ANP32B: variants seen among roughly 807,000 people sequenced by gnomAD.
ANP32B encodes the protein acidic leucine-rich nuclear phosphoprotein 32 family member B.
Under a neutral mutation model 32.2 loss-of-function variants are expected in ANP32B, and 6 were observed. The observed-to-expected ratio is 0.19, with a 90% CI of 0.10 to 0.37. The LOEUF (loss-of-function observed/expected upper bound fraction) is 0.37, where lower values mean the gene tolerates loss of function less well. Among genes scored for constraint, ANP32B ranks in the 10% least tolerant of loss-of-function variants. The pLI, the probability that ANP32B is intolerant of heterozygous loss-of-function variation, is 1.00. For synonymous variants in ANP32B, 98 were observed against 105.8 expected, an observed-to-expected ratio of 0.93 and a Z score of 0.45; for missense variants, 204 against 289.2, an observed-to-expected ratio of 0.71 and a Z score of 2.14.
intron 1 of ANP32B, among the ~76,000 whole-genome samples, chr9:97,989,034 T>C (rs1827782868): frequency 6.6e-6 from 1 of 152,212 alleles, no homozygotes; most frequent in Non-Finnish European, 1.5e-5. Flanking sequence ...TCATAATAGC[T>C]AGGGGAGTGG....
At chr9:97,985,139 C>A (rs1827694789) in intron 1 of ANP32B, among the ~76,000 whole-genome samples, 1 of 151,306 alleles carries the variant, frequency 6.6e-6, no homozygotes, top group African/African-American at 2.4e-5. Flanking sequence ...CAGTGGCTTT[C>A]CCGCGGAGGG....
chr9:97,996,487 T>C (rs1465483867), intron 2 of ANP32B, among the ~76,000 whole-genome samples: 1 of 152,214 alleles, frequency 6.6e-6, no homozygotes, highest in African/African-American at 2.4e-5. Context: ...CATTAATCAC[T>C]TCCCTTATAG....
In ANP32B at chr9:97,983,370, C is replaced by G; in HGVS notation, c.-186C>G. ...TCCCTCCATGGTTTCTCTCCGCTCC[C>G]GTGAGTAACTTGGCTCCGGGGGCTC... On this transcript the variant is annotated 5_prime_UTR_variant, in exon 1 of 7. Coordinates refer to ENST00000339399, the MANE Select transcript of ANP32B (RefSeq NM_006401.3). 1 of 557,440 alleles carries G rather than the reference C, an allele frequency of 1.8e-6. No homozygotes were observed. Among genetic ancestry groups the G allele is most frequent in the Non-Finnish European group, 3.2e-6 (1 of 312,904 alleles). 34.5% of individuals were successfully genotyped at this position (557,440 alleles called of 1,614,324 possible).
Position 98,005,173 on chromosome 9 carries a change from G to A in ANP32B, c.517+20G>A, listed in dbSNP as rs749386642. 1.9e-6 allele frequency: 3 copies of A among 1,607,808 alleles called. No individual in the cohort carries two copies. The highest frequency in any genetic ancestry group is 2.5e-6 in the Non-Finnish European group (3 of 1,176,908). On this transcript the variant is annotated intron_variant, in intron 4 of 6. Coordinates refer to ENST00000339399, the MANE Select transcript of ANP32B (RefSeq NM_006401.3). ...ACGAAGGTGAGTAGGCTCAGCATCT[G>A]GTGAACCTGATGTCTGCCTTTCAAA... is the stretch of plus-strand genomic sequence containing the variant.
chr9:98,010,095 A>AGG lies in ANP32B; in HGVS notation c.518-1175_518-1174dup, dbSNP rs76851853. ...CAGCCACATGTGCAAGAGCCAGTAA[A>AGG]GGACATTCCTTGGAAGGTGGGGGGC... On this transcript the variant is annotated intron_variant, in intron 4 of 6. Transcript: ENST00000339399. 2.8e-3 allele frequency among the ~76,000 whole-genome samples: 420 copies of AGG among 152,288 alleles called. 6 individuals carry two copies. The East Asian group carries it at 0.05, about 18-fold the overall frequency.
At chr9:98,006,990 AAAAC>A (rs1052833522) in intron 4 of ANP32B, among the ~76,000 whole-genome samples, 13 of 152,252 alleles carry the variant, frequency 8.5e-5, no homozygotes, top group African/African-American at 1.7e-4. Flanking sequence ...TCCATCTCAA[AAAAC>A]AAACAAACAA....
intron 1 of ANP32B, among the ~76,000 whole-genome samples, chr9:97,984,288 G>A (rs1587868374): frequency 6.6e-6 from 1 of 151,102 alleles, no homozygotes; most frequent in Non-Finnish European, 1.5e-5. Flanking sequence ...CGCCCCTCCC[G>A]AGGCCAAGTT....
chr9:98,005,242 C>A, intron 4 of ANP32B, 89 bp downstream of exon 4: 1 of 1,352,372 alleles, frequency 7.4e-7, no homozygotes, highest in Non-Finnish European at 1.0e-6. Flanking sequence ...CGCAGTGGCA[C>A]ACAACCGTAA....
intron 2 of ANP32B, among the ~76,000 whole-genome samples, chr9:97,997,950 C>A (rs1827931344): frequency 6.6e-6 from 1 of 152,208 alleles, no homozygotes; most frequent in Non-Finnish European, 1.5e-5. Flanking sequence ...CAGGTTTATG[C>A]AAGATGTGGC....
chr9:98,006,907 G>C lies in ANP32B; in HGVS notation c.517+1754G>C, dbSNP rs183489532. 4.0e-3 allele frequency among the ~76,000 whole-genome samples: 608 copies of C among 152,172 alleles called. 3 individuals are homozygous for C. Among genetic ancestry groups the C allele is most frequent in the African/African-American group, 0.013 (558 of 41,524 alleles). On this transcript the variant is annotated intron_variant, in intron 4 of 6. Coordinates refer to ENST00000339399, the MANE Select transcript of ANP32B (RefSeq NM_006401.3). ...GGAGGCTGAGGCATGAGAATTGCTT[G>C]AACCTGGGAGGCGGAGGTTGCAGTG...
At chr9:98,008,340 A>G (rs561266394) in intron 4 of ANP32B, among the ~76,000 whole-genome samples, 1 of 152,312 alleles carries the variant, frequency 6.6e-6, no homozygotes, top group Admixed American at 6.5e-5. Flanking sequence ...ATGATCACCT[A>G]TCTCAGCTCT....
rs769036871 is a variant in ANP32B, at chr9:98,012,431, T to G, written c.647T>G (p.Phe216Cys). ...DDEVSEEEEE[F>C]GLDEEDEDED... ...TTTGCTATTCTTTAGGAAGAAGAATTTGGACTTGATGAAGAAGATGAAGAT... is the reference window on the plus strand; with the variant it reads ...TTTGCTATTCTTTAGGAAGAAGAATGTGGACTTGATGAAGAAGATGAAGAT... Residue 216 changes from phenylalanine (F) to cysteine (C), a missense_variant, in exon 6 of 7, where the codon TTT (phenylalanine) becomes TGT (cysteine). Coordinates refer to ENST00000339399, the MANE Select transcript of ANP32B (RefSeq NM_006401.3). 6.2e-7 allele frequency: 1 copy of G among 1,612,612 alleles called. No homozygotes were observed. Among genetic ancestry groups the G allele is most frequent in the Non-Finnish European group, 8.5e-7 (1 of 1,179,542 alleles).
chr9:97,983,873 CT>C (rs1456483667), intron 1 of ANP32B, among the ~76,000 whole-genome samples: 1 of 151,968 alleles, frequency 6.6e-6, no homozygotes, highest in African/African-American at 2.4e-5. Context: ...CCGCCGGGGT[CT>C]TTCCCCTGAG....
intron 2 of ANP32B, among the ~76,000 whole-genome samples, chr9:97,995,212 G>A (rs1385639686): frequency 1.3e-5 from 2 of 152,190 alleles, no homozygotes; most frequent in Non-Finnish European, 2.9e-5. Context: ...CAGAGTCCCA[G>A]AATGTCAGAA....
intron 2 of ANP32B, among the ~76,000 whole-genome samples, chr9:97,995,068 A>T (rs1827883119): frequency 1.3e-5 from 2 of 152,238 alleles, no homozygotes; most frequent in African/African-American, 4.8e-5. Flanking sequence ...AATAAGTAGT[A>T]GTTAGGAAGA....
intron 6 of ANP32B, among the ~76,000 whole-genome samples, chr9:98,014,498 C>G (rs1198718048): frequency 6.6e-6 from 1 of 152,016 alleles, no homozygotes; most frequent in African/African-American, 2.4e-5. Context: ...AAAAATTGGT[C>G]TATATGTAAG....
At chr9:97,987,221 G>C (rs1461701867) in intron 1 of ANP32B, among the ~76,000 whole-genome samples, 1 of 150,642 alleles carries the variant, frequency 6.6e-6, no homozygotes, top group Non-Finnish European at 1.5e-5. Flanking sequence ...CTTATGGCAG[G>C]GTATATTCTC....
intron 4 of ANP32B, among the ~76,000 whole-genome samples, chr9:98,007,890 G>C (rs1474648468): frequency 6.6e-6 from 1 of 152,192 alleles, no homozygotes; most frequent in Non-Finnish European, 1.5e-5. Context: ...GAAGCGAGAT[G>C]GCGTTCTAAA....
chr9:97,990,665 T>C (rs1328933546), intron 1 of ANP32B, among the ~76,000 whole-genome samples: 2 of 152,190 alleles, frequency 1.3e-5, no homozygotes, highest in African/African-American at 4.8e-5. Context: ...TCTCAGGTAT[T>C]CATTTCCTGA....
Sources: allele counts gnomAD v4.1 joint callset (sites outside exome capture counted in the v4.1 genomes callset), GRCh38; gene constraint gnomAD v4.1.1; transcripts MANE v1.5; gene names NCBI Gene and HGNC (gene_info 2026-07-23, HGNC 2026-07-21).